Variants in MYO1D observed in about 807,000 individuals in gnomAD.
The protein encoded by MYO1D is myosin ID.
In MYO1D, 83 loss-of-function variants were observed where a neutral mutation model predicts 122.0. That is an observed-to-expected ratio of 0.68 (90% confidence interval 0.57 to 0.82). The LOEUF is 0.82. Ranked by LOEUF, MYO1D falls within the 40% of genes least tolerant of loss-of-function variation. The pLI is 0.00. For synonymous variants in MYO1D, 464 were observed against 446.9 expected (o/e 1.04, Z -0.48); for missense variants, 1,157 against 1,269.5 (o/e 0.91, Z 1.35).
At chr17:32,575,277 G>A (rs1012643725) in intron 21 of MYO1D, among the ~76,000 whole-genome samples, 39 of 152,146 alleles carry the variant, frequency 2.6e-4, no homozygotes, top group African/African-American at 9.4e-4. Flanking sequence ...CCAATCCGAG[G>A]ACCTTTGATT....
chr17:32,740,634 T>A (rs2089761439), intron 13 of MYO1D, among the ~76,000 whole-genome samples: 1 of 152,066 alleles, frequency 6.6e-6, no homozygotes, highest in African/African-American at 2.4e-5. Context: ...CGTGCCACCA[T>A]GCCTGGCTAA....
At chr17:32,566,696 G>C (rs2087176587) in intron 21 of MYO1D, among the ~76,000 whole-genome samples, 1 of 151,372 alleles carries the variant, frequency 6.6e-6, no homozygotes, top group African/African-American at 2.4e-5. Context: ...GTAGTAACAT[G>C]ACAGTAGTTA....
intron 1 of MYO1D, among the ~76,000 whole-genome samples, chr17:32,809,026 T>C (rs1486076706): frequency 6.6e-6 from 1 of 152,052 alleles, no homozygotes; most frequent in African/African-American, 2.4e-5. Context: ...CACACACATA[T>C]GTATATTTAG....
At chr17:32,740,132 C>T (rs2089756366) in intron 13 of MYO1D, among the ~76,000 whole-genome samples, 1 of 152,172 alleles carries the variant, frequency 6.6e-6, no homozygotes, top group Non-Finnish European at 1.5e-5. Flanking sequence ...AGGCAACGTT[C>T]TTAACTTACA....
intron 21 of MYO1D, among the ~76,000 whole-genome samples, chr17:32,582,167 G>A (rs921194579): frequency 3.3e-5 from 5 of 152,136 alleles, no homozygotes; most frequent in South Asian, 2.1e-4. Flanking sequence ...CACCTGCCTC[G>A]GCCTCCCAGA....
intron 21 of MYO1D, among the ~76,000 whole-genome samples, chr17:32,552,147 C>T (rs111253656): frequency 1.3e-5 from 2 of 152,362 alleles, no homozygotes; most frequent in African/African-American, 4.8e-5. Flanking sequence ...GTAATCATGG[C>T]TCACTGCAGC....
chr17:32,614,860 G>C (rs868024921), intron 20 of MYO1D, among the ~76,000 whole-genome samples: 2 of 152,246 alleles, frequency 1.3e-5, no homozygotes, highest in African/African-American at 2.4e-5. Flanking sequence ...GTCGTGTGCA[G>C]GTGCTCTGGT....
At chr17:32,602,110 T>C (rs1040581406) in intron 21 of MYO1D, among the ~76,000 whole-genome samples, 2 of 152,224 alleles carry the variant, frequency 1.3e-5, no homozygotes, top group African/African-American at 4.8e-5. Context: ...CAAACATCAG[T>C]GTATTTTTCA....
intron 1 of MYO1D, among the ~76,000 whole-genome samples, chr17:32,874,298 C>CTCTCTCTCTCTCTG (rs1567681549): frequency 4.2e-5 from 2 of 47,308 alleles, no homozygotes; most frequent in African/African-American, 1.5e-4. Context: ...TTATCTGTCT[C>CTCTCTCTCTCTCTG]TGTCTCTCTC....
intron 21 of MYO1D, among the ~76,000 whole-genome samples, chr17:32,536,589 G>A (rs892258594): frequency 1.3e-5 from 2 of 152,130 alleles, no homozygotes; most frequent in East Asian, 1.9e-4. Flanking sequence ...AAATTCCTAA[G>A]TTTTCAAGTG....
At chr17:32,721,884 G>T (rs940632101) in intron 14 of MYO1D, among the ~76,000 whole-genome samples, 2 of 152,164 alleles carry the variant, frequency 1.3e-5, no homozygotes, top group Non-Finnish European at 2.9e-5. Context: ...GTACACTGAA[G>T]ATAATGAATA....
At chr17:32,501,117 G>T (rs1909304803) in intron 21 of MYO1D, among the ~76,000 whole-genome samples, 1 of 151,900 alleles carries the variant, frequency 6.6e-6, no homozygotes, top group African/African-American at 2.4e-5. Context: ...ATACCCAAAA[G>T]AACTGAGAAC....
At chr17:32,565,844 C>T (rs1353472714) in intron 21 of MYO1D, among the ~76,000 whole-genome samples, 2 of 152,098 alleles carry the variant, frequency 1.3e-5, no homozygotes, top group Non-Finnish European at 2.9e-5. Context: ...CCTCAGCCTC[C>T]CAAGTAGCTG....
intron 1 of MYO1D, among the ~76,000 whole-genome samples, chr17:32,823,546 G>A (rs73283753): frequency 0.048 from 7,377 of 152,126 alleles, 579 homozygotes; most frequent in African/African-American, 0.17. Context: ...TTGTTGGTAA[G>A]CCCACAGGTT....
At chr17:32,840,030 C>T (rs2090864706) in intron 1 of MYO1D, among the ~76,000 whole-genome samples, 1 of 152,100 alleles carries the variant, frequency 6.6e-6, no homozygotes, top group Non-Finnish European at 1.5e-5. Context: ...TTTCTTGTTC[C>T]ATCTTTTTAT....
At chr17:32,833,707 A>T (rs1429984755) in intron 1 of MYO1D, among the ~76,000 whole-genome samples, 4 of 152,080 alleles carry the variant, frequency 2.6e-5, no homozygotes, top group Non-Finnish European at 5.9e-5. Context: ...GCTTCACTCC[A>T]GCCTTACTGG....
intron 2 of MYO1D, among the ~76,000 whole-genome samples, chr17:32,779,140 G>GT (rs1442784814): frequency 6.6e-6 from 1 of 152,136 alleles, no homozygotes; most frequent in Non-Finnish European, 1.5e-5. Flanking sequence ...CAATTTTGAA[G>GT]TATCTTCGAA....
intron 13 of MYO1D, among the ~76,000 whole-genome samples, chr17:32,739,521 T>C (rs1408973024): frequency 1.3e-5 from 2 of 150,072 alleles, no homozygotes; most frequent in Non-Finnish European, 3.0e-5. Context: ...AGAGATAGCA[T>C]TAGGAGATAT....
At position 32,688,048 on chromosome 17, in the gene MYO1D, T is replaced by C. The variant is rs75304049; in HGVS notation, c.2121+23940A>G. Among the ~76,000 whole-genome samples the C allele has an allele frequency of 2.5e-3, 375 of 152,302 alleles. 5 individuals carry two copies. The highest frequency in any genetic ancestry group is 6.9e-3 in the African/African-American group (285 of 41,554). ...CAGAATCCACCGGGAATTTCTGAGC[T>C]AAAGACTCCTTATAAGTCATCTATT... On this transcript the variant is annotated intron_variant, in intron 16 of 21. Coordinates refer to ENST00000318217, the MANE Select transcript of MYO1D (RefSeq NM_015194.3).
Sources: allele counts gnomAD v4.1 joint callset (sites outside exome capture counted in the v4.1 genomes callset), GRCh38; gene constraint gnomAD v4.1.1; transcripts MANE v1.5; gene names NCBI Gene and HGNC (gene_info 2026-07-23, HGNC 2026-07-21).